The following AOPEP variants were observed in gnomAD, a reference collection of about 807,000 sequenced individuals.
AOPEP encodes the protein aminopeptidase O.
AOPEP carries 77 observed loss-of-function variants against 98.1 expected under a neutral mutation model. The observed-to-expected ratio is 0.78, with a 90% confidence interval of 0.65 to 0.95. The LOEUF is 0.95. Ranked by LOEUF, AOPEP falls within the 40% of genes least tolerant of loss-of-function variation. AOPEP has a pLI of 0.00. For missense variants in AOPEP, 1,024 were observed against 1,024.7 expected, an observed-to-expected ratio of 1.00 and a Z score of 0.01; for synonymous variants, 346 against 365.3, an observed-to-expected ratio of 0.95 and a Z score of 0.60.
At chr9:94,738,495 A>G (rs1832276276) in intron 1 of AOPEP, among the ~76,000 whole-genome samples, 1 of 152,184 alleles carries the variant, frequency 6.6e-6, no homozygotes, top group South Asian at 2.1e-4. Flanking sequence ...TAGGAACACT[A>G]GAACATCAGA....
At chr9:95,011,210 GA>G (rs1564519713) in intron 13 of AOPEP, among the ~76,000 whole-genome samples, 2 of 102,680 alleles carry the variant, frequency 1.9e-5, no homozygotes, top group South Asian at 3.6e-4. Context: ...CCTAGCCATT[GA>G]TTTTTTTTTT....
the AOPEP span, among the ~76,000 whole-genome samples, chr9:95,108,937 G>C: frequency 3.4e-5 from 5 of 147,646 alleles, no homozygotes; most frequent in Non-Finnish European, 5.9e-5. Flanking sequence ...ACAGAGCCTT[G>C]CTCTGTCACC....
At chr9:94,773,305 G>A in intron 3 of AOPEP, 137 bp downstream of exon 3, 2 of 746,568 alleles carry the variant, frequency 2.7e-6, no homozygotes. Context: ...AAAACATCCT[G>A]CCAGGGAAAA....
chr9:95,036,524 T>C (rs1564554019), intron 13 of AOPEP, among the ~76,000 whole-genome samples: 1 of 152,186 alleles, frequency 6.6e-6, no homozygotes, highest in Non-Finnish European at 1.5e-5. Context: ...TACTTTTTAA[T>C]TATCTTCAAA....
At chr9:94,801,121 G>A in intron 5 of AOPEP, 119 bp downstream of exon 5, 1 of 1,201,630 alleles carries the variant, frequency 8.3e-7, no homozygotes, top group Non-Finnish European at 1.2e-6. Flanking sequence ...GGCTATGGTT[G>A]CTCATGCTTG....
At chr9:94,809,917 C>T (rs575080548) in intron 5 of AOPEP, 33 of 155,922 alleles carry the variant, frequency 2.1e-4, no homozygotes, top group South Asian at 8.1e-4. Context: ...TGAATTGAGC[C>T]GCAGTCTTGG....
chr9:95,074,233 T>C (rs969117320), intron 14 of AOPEP, among the ~76,000 whole-genome samples: 2 of 152,224 alleles, frequency 1.3e-5, no homozygotes, highest in Non-Finnish European at 2.9e-5. Context: ...TGTGGCAGTC[T>C]GTCAGTGGGG....
At chr9:95,006,075 A>T in intron 13 of AOPEP, 1 of 471,984 alleles carries the variant, frequency 2.1e-6, no homozygotes. Context: ...ACTAGGAGGA[A>T]TTTTATTTAC....
At chr9:94,839,660 A>G (rs1243169650) in intron 5 of AOPEP, among the ~76,000 whole-genome samples, 1 of 152,018 alleles carries the variant, frequency 6.6e-6, no homozygotes, top group Non-Finnish European at 1.5e-5. Flanking sequence ...GGACAGTTTT[A>G]TTTGTTTCTT....
At chr9:94,832,928 A>T (rs1454679363) in intron 5 of AOPEP, among the ~76,000 whole-genome samples, 3 of 150,200 alleles carry the variant, frequency 2.0e-5, no homozygotes, top group Non-Finnish European at 4.4e-5. Context: ...TGCTTTGTAA[A>T]TTTGATTTTT....
chr9:95,050,211 CCT>C (rs955970314), intron 13 of AOPEP, among the ~76,000 whole-genome samples: 1 of 152,222 alleles, frequency 6.6e-6, no homozygotes, highest in African/African-American at 2.4e-5. Context: ...GTTCGCATCA[CCT>C]CTCACACATT....
At chr9:94,782,566 T>C (rs1261099926) in intron 3 of AOPEP, among the ~76,000 whole-genome samples, 1 of 152,232 alleles carries the variant, frequency 6.6e-6, no homozygotes, top group Non-Finnish European at 1.5e-5. Context: ...TGAGCAGTAC[T>C]ATTTAGACTG....
At chr9:94,868,885 G>A (rs930793972) in intron 5 of AOPEP, among the ~76,000 whole-genome samples, 1 of 152,140 alleles carries the variant, frequency 6.6e-6, no homozygotes, top group Non-Finnish European at 1.5e-5. Context: ...ACTTAATGTG[G>A]ACAGTGTCAT....
chr9:94,881,328 T>TC (rs2047561709), intron 5 of AOPEP, among the ~76,000 whole-genome samples: 1 of 151,904 alleles, frequency 6.6e-6, no homozygotes, highest in Non-Finnish European at 1.5e-5. Context: ...GGAGGAGGCT[T>TC]ATTGGTAGAC....
At chr9:94,966,390 G>A (rs1001677630) in intron 9 of AOPEP, among the ~76,000 whole-genome samples, 1 of 152,186 alleles carries the variant, frequency 6.6e-6, no homozygotes. Context: ...AGTTAAATGG[G>A]TGTCATCAGA....
At chr9:94,944,542 A>G (rs762028486) in intron 7 of AOPEP, among the ~76,000 whole-genome samples, 11 of 152,202 alleles carry the variant, frequency 7.2e-5, no homozygotes, top group Non-Finnish European at 1.2e-4. Flanking sequence ...GCAAATCCAT[A>G]GAGACAAAAA....
intron 16 of AOPEP, chr9:95,085,904 C>T (rs528529354): frequency 6.4e-4 from 786 of 1,219,306 alleles, no homozygotes; most frequent in Admixed American, 8.8e-4. Context: ...GTTCTGGGCG[C>T]GGTGAACTCT....
rs35849146 is a variant in AOPEP, at chr9:95,023,421, G to A, written c.2115+17805G>A. On this transcript the variant is annotated intron_variant, in intron 13 of 16. Transcript: ENST00000375315. ...GGTCCCAGCCACAGGTGCAGAGGAC[G>A]CCTGCCTCCCAGGCAGACCCAGGAA... Among the ~76,000 whole-genome samples, 72 of 152,204 alleles carry A rather than the reference G, an allele frequency of 4.7e-4. 1 individual carries two copies. The highest frequency in any genetic ancestry group is 1.7e-3 in the African/African-American group (69 of 41,450).
At chr9:94,727,240 C>T (rs746100150) in intron 1 of AOPEP, among the ~76,000 whole-genome samples, 2 of 152,176 alleles carry the variant, frequency 1.3e-5, no homozygotes, top group Non-Finnish European at 2.9e-5. Context: ...TTTTGGGGTC[C>T]CTATAGAACA....
Sources: gnomAD v4.1 joint callset for allele counts (sites outside exome capture counted in the v4.1 genomes callset) on GRCh38, gnomAD v4.1.1 for gene constraint, MANE v1.5 for transcripts, NCBI Gene and HGNC (gene_info 2026-07-23, HGNC 2026-07-21) for gene names.